INHBA: variants seen among roughly 807,000 people sequenced by gnomAD.
The protein encoded by INHBA is inhibin subunit beta A, also known as inhibin beta A chain.
INHBA carries 1 observed loss-of-function variant against 29.0 expected under a neutral mutation model. The observed-to-expected ratio is 0.03, with a 90% CI of 0.01 to 0.16. INHBA has a LOEUF of 0.16. INHBA is among the 10% of genes least tolerant of loss of function. The pLI is 1.00. For synonymous variants in INHBA, 242 were observed against 216.8 expected (o/e 1.12, Z -1.02); for missense variants, 376 against 545.4 (o/e 0.69, Z 3.09).
intron 2 of INHBA, among the ~76,000 whole-genome samples, chr7:41,697,159 C>A (rs1405105136): frequency 2.0e-5 from 3 of 152,174 alleles, no homozygotes; most frequent in Admixed American, 2.0e-4. Flanking sequence ...TGGCTTTACC[C>A]ATCCCTTCTA....
chr7:41,690,290 C>T lies in INHBA; in HGVS notation c.641G>A (p.Arg214Gln), dbSNP rs1043609570. Residue 214 changes from arginine (R) to glutamine (Q), a missense_variant, in exon 3 of 3, where the codon CGG becomes CAG. Coordinates refer to ENST00000242208, the MANE Select transcript of INHBA (RefSeq NM_002192.4). Reference sequence around the variant, plus strand: ...AGGGAAGACATGCCAGGTGCTCTTCCGAGCGTCTACTACTTTTTCAGAGAG... The same window carrying T: ...AGGGAAGACATGCCAGGTGCTCTTCTGAGCGTCTACTACTTTTTCAGAGAG... Reference protein sequence around the residue: ...LLLSEKVVDARKSTWHVFPVS... With the variant: ...LLLSEKVVDAQKSTWHVFPVS... 5.6e-6 allele frequency: 9 copies of T among 1,614,024 alleles called. No homozygotes were observed. The highest frequency in any genetic ancestry group is 1.1e-5 in the South Asian group (1 of 91,070).
intron 2 of INHBA, among the ~76,000 whole-genome samples, chr7:41,697,875 T>C (rs1270743256): frequency 2.0e-5 from 3 of 152,174 alleles, no homozygotes; most frequent in Admixed American, 6.5e-5. Context: ...ACAGCAATCA[T>C]TAAATACATG....
chr7:41,698,822 G>T (rs1326286634), intron 2 of INHBA, among the ~76,000 whole-genome samples: 1 of 152,206 alleles, frequency 6.6e-6, no homozygotes, highest in Admixed American at 6.5e-5. Context: ...TCTGAGTGTT[G>T]CCTTAATTGT....
rs79307774 is a variant in INHBA, at chr7:41,697,612, T to G, written c.388+2375A>C. ...TGCTCATGGGTGACAATGTCTGGAT[T>G]CTATGCTGCACAAAATGGTTATAAG... On this transcript the variant is annotated intron_variant, in intron 2 of 2. Transcript: ENST00000242208. 3.4e-3 allele frequency among the ~76,000 whole-genome samples: 519 copies of G among 152,356 alleles called. 4 individuals carry two copies. The highest frequency in any genetic ancestry group is 0.011 in the African/African-American group (461 of 41,588).
At chr7:41,699,232 G>C (rs189657002) in intron 2 of INHBA, among the ~76,000 whole-genome samples, 10 of 152,284 alleles carry the variant, frequency 6.6e-5, no homozygotes, top group African/African-American at 2.4e-4. Context: ...TCAAGGTTGC[G>C]TTCCTTGGCA....
intron 2 of INHBA, 99 bp downstream of exon 2, chr7:41,699,888 G>C: frequency 1.1e-6 from 1 of 886,414 alleles, no homozygotes; most frequent in Non-Finnish European, 1.7e-6. Context: ...GCAGTTTCCA[G>C]CTGAAGGGAA....
At position 41,689,523 on chromosome 7, in the gene INHBA, GT is replaced by G. The variant is rs202220254; in HGVS notation, c.*126del. ...TTTTAATTTACTTTTGTTTTTTTTT[GT>G]TTTTTTTTTTGTTTTGTTTTTAATT... On this transcript the variant is annotated 3_prime_UTR_variant, in exon 3 of 3. Transcript: ENST00000242208. 5,821 of 549,032 alleles carry G rather than the reference GT, an allele frequency of 0.011. 4 individuals are homozygous for G. Among genetic ancestry groups the G allele is most frequent in the East Asian group, 0.015 (335 of 22,364 alleles). 34.0% of individuals were successfully genotyped at this position (549,032 alleles called of 1,614,324 possible). A position where few individuals can be genotyped will look rare whatever the true frequency, so the allele number is the denominator to read the frequency against.
intron 2 of INHBA, among the ~76,000 whole-genome samples, 160 bp from the exon 3 acceptor site, chr7:41,690,702 GC>G (rs1794482419): frequency 6.6e-6 from 1 of 152,170 alleles, no homozygotes; most frequent in Non-Finnish European, 1.5e-5. Flanking sequence ...TTTCTGTACT[GC>G]CTGCAAACTA....
intron 1 of INHBA, among the ~76,000 whole-genome samples, chr7:41,702,491 G>A (rs1307637389): frequency 6.6e-6 from 1 of 152,124 alleles, no homozygotes; most frequent in African/African-American, 2.4e-5. Context: ...GGAGGCAGGG[G>A]ACATTTGTGT....
chr7:41,698,634 G>A (rs983934264), intron 2 of INHBA, among the ~76,000 whole-genome samples: 10 of 152,194 alleles, frequency 6.6e-5, no homozygotes, highest in African/African-American at 2.2e-4. Context: ...TCTTCCCTAA[G>A]TGAGAGAGGC....
rs1002197304 is a variant in INHBA, at chr7:41,685,291, C to T, written c.*4359G>A. The T allele has an allele frequency of 6.6e-6, 1 of 152,054 alleles. No homozygotes were observed. Among genetic ancestry groups the T allele is most frequent in the Non-Finnish European group, 1.5e-5 (1 of 67,966 alleles). The allele number at this position is 152,054 out of a possible 1,614,324, so 9.4% of individuals were successfully genotyped here. A position where few individuals can be genotyped will look rare whatever the true frequency, so the allele number is the denominator to read the frequency against. ...TATAAACACATGAAAACATATCAAA[C>T]TGTTATCTCTTTAAACATATTGTAA... On this transcript the variant is annotated 3_prime_UTR_variant, in exon 3 of 3. Transcript: ENST00000242208.
chr7:41,693,230 T>C (rs1794560639), intron 2 of INHBA, among the ~76,000 whole-genome samples: 1 of 152,162 alleles, frequency 6.6e-6, no homozygotes, highest in African/African-American at 2.4e-5. Context: ...GTCTGACTAG[T>C]GCCCCGGATA....
upstream of INHBA, among the ~76,000 whole-genome samples, chr7:41,704,553 C>T (rs1299859009): frequency 6.6e-6 from 1 of 151,690 alleles, no homozygotes; most frequent in Non-Finnish European, 1.5e-5. Flanking sequence ...AAACTCACCC[C>T]TGACCCACAC....
At chr7:41,703,285 T>C (rs1447851207), upstream of INHBA, among the ~76,000 whole-genome samples, 1 of 152,216 alleles carries the variant, frequency 6.6e-6, no homozygotes, top group African/African-American at 2.4e-5. Flanking sequence ...TACTGGGTGA[T>C]GCACTGAGCC....
Position 41,689,715 on chromosome 7 carries a change from C to T in INHBA, c.1216G>A (p.Asp406Asn). 1 of 1,613,188 alleles carries T rather than the reference C, an allele frequency of 6.2e-7. No individual in the cohort carries two copies. Among genetic ancestry groups the T allele is most frequent in the Non-Finnish European group, 8.5e-7 (1 of 1,179,598 alleles). ...LRPMSMLYYD[D>N]GQNIIKKDIQ... ...TCCTTTTTGATGATGTTTTGACCAT[C>T]ATCATAGTACAACATGGACATGGGT... The change falls in exon 3 of 3, where the codon GAT (aspartate) becomes AAT (asparagine). Residue 406 changes from aspartate to asparagine, a missense_variant. Around this residue, in one of 4 missense-constraint regions of INHBA, gnomAD observed 50 missense variants for 137.9 expected, o/e 0.36. Transcript: ENST00000242208.
chr7:41,702,789 A>T (rs1488920658), intron 1 of INHBA, among the ~76,000 whole-genome samples: 1 of 152,224 alleles, frequency 6.6e-6, no homozygotes, highest in Non-Finnish European at 1.5e-5. Context: ...TCTCTTTGGC[A>T]TATGTACTTG....
chr7:41,692,680 C>G (rs1381672417), intron 2 of INHBA: 1 of 152,196 alleles, frequency 6.6e-6, no homozygotes, highest in Non-Finnish European at 1.5e-5. Context: ...AATAATAAAG[C>G]TGGGTTTATG....
intron 2 of INHBA, among the ~76,000 whole-genome samples, chr7:41,698,355 C>T (rs554636525): frequency 1.3e-5 from 2 of 152,302 alleles, no homozygotes; most frequent in Non-Finnish European, 2.9e-5. Context: ...TACGAGCTGT[C>T]ATTGAATCCA....
At chr7:41,691,772 T>C (rs1794529693) in intron 2 of INHBA, 1 of 152,236 alleles carries the variant, frequency 6.6e-6, no homozygotes, top group Non-Finnish European at 1.5e-5. Flanking sequence ...GTCACTATCA[T>C]AGTCTAGTGT....
Sources: gnomAD v4.1 joint callset for allele counts (sites outside exome capture counted in the v4.1 genomes callset) on GRCh38, gnomAD v4.1.1 for gene constraint, gnomAD v4.1.1 regional missense constraint, MANE v1.5 for transcripts, NCBI Gene and HGNC (gene_info 2026-07-23, HGNC 2026-07-21) for gene names.